GRK5: variants seen among roughly 807,000 people sequenced by gnomAD.
The protein encoded by GRK5 is g protein-coupled receptor kinase GRK5.
GRK5 carries 40 observed loss-of-function variants against 78.4 expected under a neutral mutation model. That is an observed-to-expected ratio of 0.51 (90% confidence interval 0.40 to 0.66). The LOEUF is 0.66. Ranked by LOEUF, GRK5 falls within the 30% of genes least tolerant of loss-of-function variation. The probability of loss-of-function intolerance (pLI) is 0.00; values close to 1 mark genes in which losing one functional copy is unlikely to be tolerated. For synonymous variants in GRK5, 289 were observed against 296.8 expected (o/e 0.97, Z 0.27); for missense variants, 598 against 759.9 (o/e 0.79, Z 2.50).
At chr10:119,241,470 T>C (rs1849024909) in intron 1 of GRK5, among the ~76,000 whole-genome samples, 1 of 152,212 alleles carries the variant, frequency 6.6e-6, no homozygotes, top group African/African-American at 2.4e-5. Context: ...TCAAATTCTG[T>C]CCCACACCGT....
intron 4 of GRK5, among the ~76,000 whole-genome samples, chr10:119,402,224 A>G (rs925300134): frequency 2.6e-5 from 4 of 152,188 alleles, no homozygotes; most frequent in Non-Finnish European, 5.9e-5. Flanking sequence ...CTCGAGCCCC[A>G]GGTTAAAAAC....
intron 1 of GRK5, among the ~76,000 whole-genome samples, chr10:119,268,241 C>G (rs1010680936): frequency 1.3e-5 from 2 of 152,212 alleles, no homozygotes; most frequent in African/African-American, 4.8e-5. Context: ...TTAGAACAAG[C>G]TTTGTGTTAA....
In GRK5 at chr10:119,380,796, CTTCTT is replaced by C. The variant is rs768621874; in HGVS notation, c.149-13_149-9del. On this transcript the variant is annotated splice_polypyrimidine_tract_variant and intron_variant, in intron 2 of 15. Coordinates refer to ENST00000392870, the MANE Select transcript of GRK5 (RefSeq NM_005308.3). Reference sequence around the variant, plus strand: ...GCCTTCTCCTGGGTCTCATCACATTCTTCTTTTCTTGTCTCCAGACAGAGATTACT... The same window carrying C: ...GCCTTCTCCTGGGTCTCATCACATTCTTCTTGTCTCCAGACAGAGATTACT... 1.3e-5 allele frequency: 20 copies of C among 1,525,802 alleles called. No homozygotes were observed. The East Asian group carries it at 2.5e-4, about 19-fold the overall frequency. The allele number at this position is 1,525,802 out of a possible 1,614,324, so 94.5% of individuals were successfully genotyped here. A position where few individuals can be genotyped will look rare whatever the true frequency, so the allele number is the denominator to read the frequency against.
rs774086762 is a variant in GRK5, at chr10:119,448,139, C to G, written c.1283C>G (p.Ala428Gly). 1.3e-6 allele frequency: 2 copies of G among 1,558,254 alleles called. No homozygotes were observed. Among genetic ancestry groups the G allele is most frequent in the Non-Finnish European group, 1.7e-6 (2 of 1,158,820 alleles). ...SICKMLLTKD[A>G]KQRLGCQEEG... ...CTGTTTCAGCTGCTCACGAAAGATG[C>G]GAAGCAGAGGCTGGGCTGCCAGGAG... is the stretch of plus-strand genomic sequence containing the variant. Residue 428 changes from alanine (A) to glycine (G), a missense_variant, in exon 13 of 16, where the codon GCG becomes GGG. Ala to Gly is a moderately conservative substitution (Grantham distance 60, BLOSUM62 0). Transcript: ENST00000392870.
chr10:119,297,115 T>C (rs1406898693), intron 1 of GRK5, among the ~76,000 whole-genome samples: 7 of 152,200 alleles, frequency 4.6e-5, no homozygotes, highest in Non-Finnish European at 1.0e-4. Flanking sequence ...GGACACTGCA[T>C]GGAGACTGGA....
chr10:119,409,894 A>C (rs922592714), intron 4 of GRK5, among the ~76,000 whole-genome samples: 3 of 152,196 alleles, frequency 2.0e-5, no homozygotes, highest in African/African-American at 7.2e-5. Flanking sequence ...CCCACCGTGA[A>C]CATCCCCAGC....
chr10:119,444,919 T>A (rs1853113132), intron 12 of GRK5, among the ~76,000 whole-genome samples: 1 of 152,240 alleles, frequency 6.6e-6, no homozygotes, highest in Non-Finnish European at 1.5e-5. Context: ...CAGGAAGACC[T>A]GAGATCTGCG....
rs1460301401 is a variant in GRK5 at position 119,436,660 on chromosome 10, G to T, written c.748G>T (p.Ala250Ser). The change falls in exon 9 of 16, where the codon GCC becomes TCC. Residue 250 changes from alanine (A) to serine (S), a missense_variant. By Grantham distance (99) the Ala-to-Ser change is moderately conservative. Coordinates refer to ENST00000392870, the MANE Select transcript of GRK5 (RefSeq NM_005308.3). ...GTTCTTGTGCTCCCAGGTCAACCTGGCCTATGCCTACGAGACCAAGGATGC... is the reference window on the plus strand; with the variant it reads ...GTTCTTGTGCTCCCAGGTCAACCTGTCCTATGCCTACGAGACCAAGGATGC... ...KVNSQFVVNL[A>S]YAYETKDALC... The T allele has an allele frequency of 6.2e-7, 1 of 1,614,152 alleles. No homozygotes were observed. Among genetic ancestry groups the T allele is most frequent in the South Asian group, 1.1e-5 (1 of 91,078 alleles).
intron 2 of GRK5, among the ~76,000 whole-genome samples, chr10:119,364,661 G>A (rs1044635601): frequency 1.3e-5 from 2 of 152,096 alleles, no homozygotes; most frequent in African/African-American, 4.8e-5. Context: ...AGAACCCCGG[G>A]CCCCCATGAA....
intron 4 of GRK5, among the ~76,000 whole-genome samples, chr10:119,398,381 G>A (rs1455102335): frequency 7.1e-6 from 1 of 141,434 alleles, no homozygotes; most frequent in Non-Finnish European, 1.5e-5. Context: ...ACATGCCTCC[G>A]AGATGTCTCT....
chr10:119,248,689 T>C (rs530826102), intron 1 of GRK5, among the ~76,000 whole-genome samples: 6 of 152,160 alleles, frequency 3.9e-5, no homozygotes, highest in Non-Finnish European at 8.8e-5. Context: ...AAGACTGATT[T>C]TTTCATTTTT....
chr10:119,452,772 C>G lies in GRK5; in HGVS notation c.1506C>G (p.Phe502Leu), dbSNP rs1853314678. 1 of 1,613,918 alleles carries G rather than the reference C, an allele frequency of 6.2e-7. No individual in the cohort carries two copies. Among genetic ancestry groups the G allele is most frequent in the African/African-American group, 1.3e-5 (1 of 74,908 alleles). The change falls in exon 14 of 16, where the codon TTC becomes TTG. Residue 502 changes from phenylalanine to leucine, a missense_variant. By Grantham distance (22) the Phe-to-Leu change is conservative. Transcript: ENST00000392870. The surrounding 1 kb of genome is among the most constrained non-coding windows in gnomAD (Gnocchi z 4.4). Reference protein sequence around the residue: ...DHTDDDFYSKFSTGSVSIPWQ... With the variant: ...DHTDDDFYSKLSTGSVSIPWQ... ...CAGACGACGACTTCTACTCCAAGTT[C>G]TCCACGGGCTCTGTGTCCATCCCAT... is the stretch of plus-strand genomic sequence containing the variant.
At chr10:119,421,276 TA>T (rs1368843576) in intron 4 of GRK5, among the ~76,000 whole-genome samples, 4 of 152,232 alleles carry the variant, frequency 2.6e-5, no homozygotes, top group Admixed American at 6.5e-5. Context: ...TGCTCTGAAG[TA>T]GCCTGGAGGT....
At chr10:119,260,253 G>A (rs577581459) in intron 1 of GRK5, among the ~76,000 whole-genome samples, 168 of 152,116 alleles carry the variant, frequency 1.1e-3, no homozygotes, top group African/African-American at 3.8e-3. Context: ...CACCCGCCTC[G>A]GCCTCCCAAA....
Position 119,264,117 on chromosome 10 carries a change from G to A in GRK5, c.52+56148G>A, listed in dbSNP as rs1458633441. ...ATGCTCCTCAAGAGAGTCTATATTTGTTATCAAAATGAGCCACGTGCTTGC... is the reference window on the plus strand; with the variant it reads ...ATGCTCCTCAAGAGAGTCTATATTTATTATCAAAATGAGCCACGTGCTTGC... On this transcript the variant is annotated intron_variant, in intron 1 of 15. Coordinates refer to ENST00000392870, the MANE Select transcript of GRK5 (RefSeq NM_005308.3). The surrounding 1 kb of genome is among the most constrained non-coding windows in gnomAD (Gnocchi z 4.1). Among the ~76,000 whole-genome samples, 2 of 152,088 alleles carry A rather than the reference G, an allele frequency of 1.3e-5. No individual in the cohort carries two copies. The highest frequency in any genetic ancestry group is 2.9e-5 in the Non-Finnish European group (2 of 68,030).
Position 119,253,487 on chromosome 10 carries a change from A to G in GRK5, c.52+45518A>G, listed in dbSNP as rs920463045. Among the ~76,000 whole-genome samples the G allele has an allele frequency of 2.0e-5, 3 of 151,982 alleles. No individual in the cohort carries two copies. Among genetic ancestry groups the G allele is most frequent in the Non-Finnish European group, 2.9e-5 (2 of 68,018 alleles). On this transcript the variant is annotated intron_variant, in intron 1 of 15. Coordinates refer to ENST00000392870, the MANE Select transcript of GRK5 (RefSeq NM_005308.3). The surrounding 1 kb of genome is among the most constrained non-coding windows in gnomAD (Gnocchi z 5.7). ...TTAGGCTCCTCCGTGTAGCTGCTCTATTTTTCATGCCTCTTGCCTGGGTCT... is the reference window on the plus strand; with the variant it reads ...TTAGGCTCCTCCGTGTAGCTGCTCTGTTTTTCATGCCTCTTGCCTGGGTCT...
At chr10:119,281,499 C>T (rs1366979037) in intron 1 of GRK5, among the ~76,000 whole-genome samples, 1 of 152,206 alleles carries the variant, frequency 6.6e-6, no homozygotes, top group South Asian at 2.1e-4. Flanking sequence ...GTGCACGGCT[C>T]ACCCCTGGTG....
chr10:119,257,870 C>T (rs1304491214), intron 1 of GRK5, among the ~76,000 whole-genome samples: 1 of 152,220 alleles, frequency 6.6e-6, no homozygotes, highest in Non-Finnish European at 1.5e-5. Context: ...AGGATTCTGG[C>T]ACAGCTAGTC....
At position 119,445,388 on chromosome 10, in the gene GRK5, C is replaced by A. The variant is rs554511868; in HGVS notation, c.1266+1636C>A. Among the ~76,000 whole-genome samples the A allele has an allele frequency of 6.6e-6, 1 of 152,058 alleles. No individual in the cohort carries two copies. The highest frequency in any genetic ancestry group is 1.5e-5 in the Non-Finnish European group (1 of 68,006). On this transcript the variant is annotated intron_variant, in intron 12 of 15. Transcript: ENST00000392870. This position sits in a 1 kb window ranked among gnomAD's most constrained non-coding sequence, Gnocchi z 4.1. Reference sequence around the variant, plus strand: ...GAGAGATCTCAGCAGGGATATGGGACGTACTAAGAGGATGACGAGGCGGAG... The same window carrying A: ...GAGAGATCTCAGCAGGGATATGGGAAGTACTAAGAGGATGACGAGGCGGAG...
Sources: allele counts gnomAD v4.1 joint callset (sites outside exome capture counted in the v4.1 genomes callset), GRCh38; gene constraint gnomAD v4.1.1; non-coding constraint Gnocchi (gnomAD v3.1); transcripts MANE v1.5; gene names NCBI Gene and HGNC (gene_info 2026-07-23, HGNC 2026-07-21).